The following JRK variants were observed in gnomAD, a reference collection of about 807,000 sequenced individuals.
JRK encodes the protein Jrk helix-turn-helix protein.
For synonymous variants in JRK, 303 were observed against 218.1 expected (o/e 1.39, Z -3.43); for missense variants, 720 against 509.2 (o/e 1.41, Z -3.98).
rs1463117100 is a variant in JRK at position 142,663,364 on chromosome 8, C to G, written c.*988G>C. 14 of 985,310 alleles carry G rather than the reference C, an allele frequency of 1.4e-5. No homozygotes were observed. Among genetic ancestry groups the G allele is most frequent in the South Asian group, 4.7e-5 (1 of 21,290 alleles). The allele number at this position is 985,310 out of a possible 1,614,324, so 61.0% of individuals were successfully genotyped here. A position where few individuals can be genotyped will look rare whatever the true frequency, so the allele number is the denominator to read the frequency against. The stretch of plus-strand genomic sequence containing the variant: ...CTGACCAGGACAGACAACTCCTCCC[C>G]AAAAGTATTACTAACGTGCTAACAG... On this transcript the variant is annotated 3_prime_UTR_variant, in exon 2 of 2. Transcript: ENST00000612905.
chr8:142,668,224 C>T (rs1554636567), intron 1 of JRK, among the ~76,000 whole-genome samples: 3 of 152,220 alleles, frequency 2.0e-5, no homozygotes. Flanking sequence ...ACATGTGGAG[C>T]GCAGAAACGC....
At position 142,669,089 on chromosome 8, in the gene JRK, A is replaced by G. The variant is rs117625911; in HGVS notation, c.-463+843T>C. On this transcript the variant is annotated intron_variant, in intron 1 of 1. Transcript: ENST00000612905. ...GCCTGAGGGGCCAGCGCTGGGGCTG[A>G]CTCCGTCCTGTGTGAGGCTAAGAGG... Among the ~76,000 whole-genome samples, 1,250 of 150,400 alleles carry G rather than the reference A, an allele frequency of 8.3e-3. 5 individuals are homozygous for G. Among genetic ancestry groups the G allele is most frequent in the Middle Eastern group, 0.031 (9 of 292 alleles).
chr8:142,659,021 T>C lies in JRK; in HGVS notation c.*5331A>G. On this transcript the variant is annotated 3_prime_UTR_variant, in exon 2 of 2. Coordinates refer to ENST00000612905, the MANE Select transcript of JRK (RefSeq NM_003724.4). Reference sequence around the variant, plus strand: ...CCATAGGGGTGTAGTCACTTCCCTCTGCCAGGGAGAATGGTGGAGGAAGAA... The same window carrying C: ...CCATAGGGGTGTAGTCACTTCCCTCCGCCAGGGAGAATGGTGGAGGAAGAA... 6.6e-7 allele frequency: 1 copy of C among 1,504,116 alleles called. No individual in the cohort carries two copies. 93.2% of individuals were successfully genotyped at this position (1,504,116 alleles called of 1,614,324 possible). A position where few individuals can be genotyped will look rare whatever the true frequency, so the allele number is the denominator to read the frequency against.
chr8:142,656,998 C>T (rs1231845612), downstream of JRK, among the ~76,000 whole-genome samples: 1 of 152,194 alleles, frequency 6.6e-6, no homozygotes, highest in African/African-American at 2.4e-5. Flanking sequence ...CTGTGGAAGC[C>T]TCTGGGGAGG....
chr8:142,669,163 A>AGTGTGTGTGTGTGTGTGTGTGTGT (rs59300327), intron 1 of JRK, among the ~76,000 whole-genome samples: 2 of 136,122 alleles, frequency 1.5e-5, no homozygotes, highest in East Asian at 2.4e-4. Flanking sequence ...GCAGGGGCAT[A>AGTGTGTGTGTGTGTGTGTGTGTGT]GTGTGTGTGT....
At chr8:142,652,012 A>AGGGG in the JRK span, among the ~76,000 whole-genome samples, 1 of 150,106 alleles carries the variant, frequency 6.7e-6, no homozygotes, top group Non-Finnish European at 1.5e-5. Context: ...CTCCAAAAAA[A>AGGGG]GGGGGGGTGG....
At chr8:142,669,460 G>C (rs983993873) in intron 1 of JRK, among the ~76,000 whole-genome samples, 1 of 152,122 alleles carries the variant, frequency 6.6e-6, no homozygotes, top group Non-Finnish European at 1.5e-5. Context: ...CTTAAAAAGC[G>C]TCCGTACCCC....
rs782271799 is a variant in JRK at position 142,658,912 on chromosome 8, G to A, written c.*5440C>T. The A allele has an allele frequency of 6.2e-7, 1 of 1,613,594 alleles. No homozygotes were observed. The highest frequency in any genetic ancestry group is 1.7e-5 in the Admixed American group (1 of 59,972). On this transcript the variant is annotated 3_prime_UTR_variant, in exon 2 of 2. Coordinates refer to ENST00000612905, the MANE Select transcript of JRK (RefSeq NM_003724.4). ...TAGGAATTGCCAACTCCTCTGGTGAGGTCACTACCACATCCTCAAGGCCCA... is the reference window on the plus strand; with the variant it reads ...TAGGAATTGCCAACTCCTCTGGTGAAGTCACTACCACATCCTCAAGGCCCA...
chr8:142,665,533 G>A lies in JRK; in HGVS notation c.526C>T (p.His176Tyr). 1.4e-6 allele frequency: 1 copy of A among 718,386 alleles called. No homozygotes were observed. The highest frequency in any genetic ancestry group is 2.6e-6 in the Non-Finnish European group (1 of 385,088). The allele number at this position is 718,386 out of a possible 1,614,324, so 44.5% of individuals were successfully genotyped here. The change falls in exon 2 of 2, where the codon CAC becomes TAC. Residue 176 changes from histidine (H) to tyrosine (Y), a missense_variant. Physicochemically the swap from His to Tyr is moderately conservative, Grantham distance 83. Coordinates refer to ENST00000612905, the MANE Select transcript of JRK (RefSeq NM_003724.4). ...TAAACCTGCTCGGCGGACAGCCCGT[G>A]CTCAGCAGCCAAGCTCCTGAAAAAC... ...CAFFRSLAAE[H>Y]GLSAEQVYNA...
chr8:142,659,072 T>A lies in JRK; in HGVS notation c.*5280A>T. The stretch of plus-strand genomic sequence containing the variant: ...TGGATTCCTAGTGTATTTTTTCTCT[T>A]CAGAACTGACAGCCCATCAAGGTAC... On this transcript the variant is annotated 3_prime_UTR_variant, in exon 2 of 2. Transcript: ENST00000612905. 1 of 1,422,564 alleles carries A rather than the reference T, an allele frequency of 7.0e-7. No individual in the cohort carries two copies. The highest frequency in any genetic ancestry group is 9.2e-7 in the Non-Finnish European group (1 of 1,086,018). 88.1% of individuals were successfully genotyped at this position (1,422,564 alleles called of 1,614,324 possible). A position where few individuals can be genotyped will look rare whatever the true frequency, so the allele number is the denominator to read the frequency against.
Position 142,662,701 on chromosome 8 carries a change from C to A in JRK, c.*1651G>T. The A allele has an allele frequency of 1.0e-6, 1 of 985,404 alleles. No individual in the cohort carries two copies. Among genetic ancestry groups the A allele is most frequent in the South Asian group, 4.7e-5 (1 of 21,290 alleles). The allele number at this position is 985,404 out of a possible 1,614,324, so 61.0% of individuals were successfully genotyped here. On this transcript the variant is annotated 3_prime_UTR_variant, in exon 2 of 2. Coordinates refer to ENST00000612905, the MANE Select transcript of JRK (RefSeq NM_003724.4). ...CTGTATCTACAGAGATGTGAAAGTA[C>A]GAGAAACCACAGCGAGCCAAATCCT... is the stretch of plus-strand genomic sequence containing the variant.
chr8:142,652,667 G>C (rs1846687846), downstream of JRK, among the ~76,000 whole-genome samples: 1 of 152,172 alleles, frequency 6.6e-6, no homozygotes, highest in Non-Finnish European at 1.5e-5. Flanking sequence ...GCTGATTTAA[G>C]TAATAACTGC....
rs781947467 is a variant in JRK at position 142,665,876 on chromosome 8, C to G, written c.183G>C (p.Gln61His). The G allele has an allele frequency of 2.6e-6, 2 of 782,898 alleles. No individual in the cohort carries two copies. The highest frequency in any genetic ancestry group is 3.4e-5 in the African/African-American group (2 of 59,204). 48.5% of individuals were successfully genotyped at this position (782,898 alleles called of 1,614,324 possible). Residue 61 changes from glutamine (Q) to histidine (H), a missense_variant, in exon 2 of 2, where the codon CAG (glutamine) becomes CAC (histidine). Gln to His is a conservative substitution (Grantham distance 24). Transcript: ENST00000612905. ...TLYDIRAHKA[Q>H]LLRFFASSDS... The stretch of plus-strand genomic sequence containing the variant: ...CGGAGCTGGCGAAGAACCGGAGCAG[C>G]TGCGCCTTGTGGGCCCTGATGTCGT...
Position 142,658,689 on chromosome 8 carries a change from AG to A in JRK, c.*5662del. 3 of 1,256,664 alleles carry A rather than the reference AG, an allele frequency of 2.4e-6. No homozygotes were observed. The highest frequency in any genetic ancestry group is 5.6e-5 in the East Asian group (2 of 35,698). 77.8% of individuals were successfully genotyped at this position (1,256,664 alleles called of 1,614,324 possible). Reference sequence around the variant, plus strand: ...TCCTAATACCACCCTCCTGGGGGTCAGGGTTTCAACATATAAACTTTGGGGG... The same window carrying A: ...TCCTAATACCACCCTCCTGGGGGTCAGGTTTCAACATATAAACTTTGGGGG... On this transcript the variant is annotated 3_prime_UTR_variant, in exon 2 of 2. Transcript: ENST00000612905.
At position 142,662,508 on chromosome 8, in the gene JRK, C is replaced by T. The variant is rs587676250; in HGVS notation, c.*1844G>A. ...TCCCCAGACAATGAAGCAAACAGTG[C>T]GGGTGACACCACAAAGACAATGGGA... On this transcript the variant is annotated 3_prime_UTR_variant, in exon 2 of 2. Coordinates refer to ENST00000612905, the MANE Select transcript of JRK (RefSeq NM_003724.4). 1.4e-5 allele frequency: 14 copies of T among 985,440 alleles called. No homozygotes were observed. The African/African-American group carries it at 1.6e-4, about 11-fold the overall frequency. 61.0% of individuals were successfully genotyped at this position (985,440 alleles called of 1,614,324 possible).
chr8:142,660,171 G>A lies in JRK; in HGVS notation c.*4181C>T. On this transcript the variant is annotated 3_prime_UTR_variant, in exon 2 of 2. Transcript: ENST00000612905. ...CTCCCCAGCCTCCCAGTAGGCAGCT[G>A]AGTCCAACGCAGTGCCCGAGAGCTC... 1 of 985,498 alleles carries A rather than the reference G, an allele frequency of 1.0e-6. No homozygotes were observed. The highest frequency in any genetic ancestry group is 1.1e-4 in the East Asian group (1 of 8,828). The allele number at this position is 985,498 out of a possible 1,614,324, so 61.0% of individuals were successfully genotyped here. A position where few individuals can be genotyped will look rare whatever the true frequency, so the allele number is the denominator to read the frequency against.
chr8:142,664,223 C>G lies in JRK; in HGVS notation c.*129G>C. ...ACCCGAGCCACACCCGTGGGCGACC[C>G]ACTCCTGGAAGGGCTCTTGAGTGTC... On this transcript the variant is annotated 3_prime_UTR_variant, in exon 2 of 2. Coordinates refer to ENST00000612905, the MANE Select transcript of JRK (RefSeq NM_003724.4). The G allele has an allele frequency of 7.1e-7, 1 of 1,415,900 alleles. No homozygotes were observed. The highest frequency in any genetic ancestry group is 9.2e-7 in the Non-Finnish European group (1 of 1,082,168). 87.7% of individuals were successfully genotyped at this position (1,415,900 alleles called of 1,614,324 possible). A position where few individuals can be genotyped will look rare whatever the true frequency, so the allele number is the denominator to read the frequency against.
At position 142,669,931 on chromosome 8, in the gene JRK, C is replaced by T. The variant is rs1182143313; in HGVS notation, c.-463+1G>A. On this transcript the variant is annotated splice_donor_variant, in intron 1 of 1. Transcript: ENST00000612905. LOFTEE classifies it low-confidence loss of function (5UTR_SPLICE). ...GCGCCTCAGGCCAGGACCCTACTCA[C>T]CCTGCTCACCCGGAGCAGCCGCCGC... 6.5e-6 allele frequency: 1 copy of T among 153,162 alleles called. No individual in the cohort carries two copies. Among genetic ancestry groups the T allele is most frequent in the African/African-American group, 2.4e-5 (1 of 41,436 alleles). 9.5% of individuals were successfully genotyped at this position (153,162 alleles called of 1,614,324 possible).
In JRK at chr8:142,660,813, T is replaced by C. The variant is rs970122107; in HGVS notation, c.*3539A>G. On this transcript the variant is annotated 3_prime_UTR_variant, in exon 2 of 2. Coordinates refer to ENST00000612905, the MANE Select transcript of JRK (RefSeq NM_003724.4). The stretch of plus-strand genomic sequence containing the variant: ...GCCCTGTGCCACAGCCTCCCAAGAA[T>C]GGATGCAGTCTACACCTTCTGCAAA... 1 of 985,354 alleles carries C rather than the reference T, an allele frequency of 1.0e-6. No individual in the cohort carries two copies. Among genetic ancestry groups the C allele is most frequent in the African/African-American group, 1.7e-5 (1 of 57,196 alleles). 61.0% of individuals were successfully genotyped at this position (985,354 alleles called of 1,614,324 possible).
Sources: allele counts gnomAD v4.1 joint callset (sites outside exome capture counted in the v4.1 genomes callset), GRCh38; gene constraint gnomAD v4.1.1; transcripts MANE v1.5; gene names NCBI Gene and HGNC (gene_info 2026-07-23, HGNC 2026-07-21).